Variants in ANKFN1 observed in about 807,000 individuals in gnomAD.
ANKFN1 encodes the protein ankyrin repeat and fibronectin type-III domain-containing protein 1.
In ANKFN1, 74 loss-of-function variants were observed where a neutral mutation model predicts 108.7. The observed-to-expected ratio is 0.68, with a 90% confidence interval of 0.56 to 0.83. The LOEUF is 0.83. ANKFN1 is among the 40% of genes least tolerant of loss of function. ANKFN1 has a pLI of 0.00. For missense variants in ANKFN1, 1,505 were observed against 1,382.3 expected (o/e 1.09, Z -1.41); for synonymous variants, 547 against 516.2 (o/e 1.06, Z -0.81).
chr17:56,301,331 A>G (rs974457712), intron 3 of ANKFN1, among the ~76,000 whole-genome samples: 8 of 152,196 alleles, frequency 5.3e-5, no homozygotes, highest in African/African-American at 1.9e-4. Flanking sequence ...GATTGGGCTG[A>G]ATCTTTCTGG....
At chr17:56,291,678 C>T (rs553519009) in intron 3 of ANKFN1, among the ~76,000 whole-genome samples, 1 of 152,290 alleles carries the variant, frequency 6.6e-6, no homozygotes, top group South Asian at 2.1e-4. Context: ...ATGGCCTAGC[C>T]AACTAGGATG....
At chr17:56,336,663 A>G (rs960293032) in intron 4 of ANKFN1, among the ~76,000 whole-genome samples, 15 of 152,248 alleles carry the variant, frequency 9.9e-5, no homozygotes, top group African/African-American at 3.4e-4. Context: ...TCTTTTCAAA[A>G]AACCAGTTCC....
At chr17:56,062,559 C>CTTTTTTTTTTTTTTTTTTTTTT (rs3085080) in intron 4 of ANKFN1, among the ~76,000 whole-genome samples, 1 of 134,508 alleles carries the variant, frequency 7.4e-6, no homozygotes, top group African/African-American at 3.0e-5. Context: ...GTAATCTCTG[C>CTTTTTTTTTTTTTTTTTTTTTT]TTTTTTTTTT....
chr17:56,170,773 T>TA (rs1372498158), intron 1 of ANKFN1, among the ~76,000 whole-genome samples: 110 of 81,348 alleles, frequency 1.4e-3, no homozygotes, highest in East Asian at 6.1e-3. Flanking sequence ...GAAAAAATTT[T>TA]TTATATATAT....
intron 8 of ANKFN1, among the ~76,000 whole-genome samples, chr17:56,434,378 CA>C (rs58017155): frequency 0.6 from 76,648 of 127,274 alleles, 25,145 homozygotes; most frequent in East Asian, 0.81. Flanking sequence ...TTTCTAGTGT[CA>C]AAAAAAAAAA....
At chr17:56,259,079 C>T (rs1000597099) in intron 3 of ANKFN1, among the ~76,000 whole-genome samples, 1 of 152,088 alleles carries the variant, frequency 6.6e-6, no homozygotes, top group Non-Finnish European at 1.5e-5. Context: ...ATGTAATCTT[C>T]ACAACAGCTC....
chr17:56,220,266 A>G (rs1915738785), intron 2 of ANKFN1, among the ~76,000 whole-genome samples: 1 of 152,246 alleles, frequency 6.6e-6, no homozygotes, highest in Admixed American at 6.5e-5. Flanking sequence ...CAGATAATAA[A>G]ATGATAAAAC....
rs950511052 is a variant in ANKFN1, at chr17:56,091,603, C to A, written c.288+45278C>A. Among the ~76,000 whole-genome samples the A allele has an allele frequency of 2.6e-5, 4 of 151,400 alleles. No individual in the cohort carries two copies. In the East Asian group the frequency reaches 7.7e-4, roughly 29 times the overall value. On this transcript the variant is annotated intron_variant, in intron 4 of 12. Transcript: ENST00000635860. Reference sequence around the variant, plus strand: ...TCCACTTATCAAGAAATGTTTTTCTCTGAAAAGAAGTGAACACTGTGTTCA... The same window carrying A: ...TCCACTTATCAAGAAATGTTTTTCTATGAAAAGAAGTGAACACTGTGTTCA...
rs1236035183 is a variant in ANKFN1 at position 56,364,172 on chromosome 17, CATA to C, written c.602-8470_602-8468del. Among the ~76,000 whole-genome samples the C allele has an allele frequency of 1.8e-4, 28 of 152,100 alleles. No individual in the cohort carries two copies. In the East Asian group the frequency reaches 2.9e-3, roughly 16 times the overall value. On this transcript the variant is annotated intron_variant, in intron 6 of 20. Coordinates refer to ENST00000682825, the MANE Select transcript of ANKFN1 (RefSeq NM_001370326.1). Reference sequence around the variant, plus strand: ...ATTATTCCACATTGTATTCACAAATCATAATATTACTTTGTATCCCATAAATAC... The same window carrying C: ...ATTATTCCACATTGTATTCACAAATCATATTACTTTGTATCCCATAAATAC...
intron 4 of ANKFN1, among the ~76,000 whole-genome samples, chr17:56,061,263 T>A (rs761360876): frequency 3.7e-4 from 42 of 114,498 alleles, no homozygotes; most frequent in Non-Finnish European, 2.8e-4. Flanking sequence ...ATGGTAGTTT[T>A]TCTTTTTTTT....
rs1028662397 is a variant in ANKFN1, at chr17:56,092,323, G to A, written c.288+45998G>A. ...CTTGCTCTGTCACCCAGGCTGGAGTGCAGTGCAGTGGCGCAATCTCGGCTC... is the reference window on the plus strand; with the variant it reads ...CTTGCTCTGTCACCCAGGCTGGAGTACAGTGCAGTGGCGCAATCTCGGCTC... On this transcript the variant is annotated intron_variant, in intron 4 of 12. Transcript: ENST00000635860. Among the ~76,000 whole-genome samples, 6 of 144,420 alleles carry A rather than the reference G, an allele frequency of 4.2e-5. No homozygotes were observed. The East Asian group carries it at 1.2e-3, about 29-fold the overall frequency. 94.7% of individuals were successfully genotyped at this position (144,420 alleles called of 152,430 possible). A position where few individuals can be genotyped will look rare whatever the true frequency, so the allele number is the denominator to read the frequency against.
At chr17:56,348,051 G>C (rs1166532430) in intron 4 of ANKFN1, among the ~76,000 whole-genome samples, 1 of 152,052 alleles carries the variant, frequency 6.6e-6, no homozygotes, top group Non-Finnish European at 1.5e-5. Context: ...CAGAAAGAAA[G>C]AGGTTAAGGC....
At chr17:56,251,109 G>A (rs1380703061) in intron 3 of ANKFN1, among the ~76,000 whole-genome samples, 1 of 152,220 alleles carries the variant, frequency 6.6e-6, no homozygotes, top group East Asian at 1.9e-4. Context: ...TGCTTCTGAA[G>A]GCTGACCACA....
At chr17:56,091,274 A>G (rs1042860795) in intron 4 of ANKFN1, among the ~76,000 whole-genome samples, 2 of 151,344 alleles carry the variant, frequency 1.3e-5, no homozygotes, top group African/African-American at 4.9e-5. Context: ...AAAACTGTAA[A>G]ACACAATGAA....
intron 3 of ANKFN1, among the ~76,000 whole-genome samples, chr17:56,280,140 T>C (rs1014638319): frequency 6.6e-6 from 1 of 151,782 alleles, no homozygotes. Context: ...CTCCCGAGTA[T>C]CTGGGACTAC....
At chr17:56,446,546 TTCACAATGCC>T (rs1369793596) in intron 10 of ANKFN1, among the ~76,000 whole-genome samples, 3 of 152,220 alleles carry the variant, frequency 2.0e-5, no homozygotes, top group Non-Finnish European at 2.9e-5. Context: ...CGTGCTTCTA[TTCACAATGCC>T]TCACCAACAT....
intron 4 of ANKFN1, among the ~76,000 whole-genome samples, chr17:56,059,944 G>GT (rs973799970): frequency 9.4e-5 from 14 of 149,542 alleles, no homozygotes; most frequent in Admixed American, 1.3e-4. Flanking sequence ...AATTTGAAGT[G>GT]TTTTTTTTCT....
intron 14 of ANKFN1, 144 bp from the exon 15 acceptor site, chr17:56,466,212 T>C: frequency 1.5e-6 from 1 of 681,574 alleles, no homozygotes. Flanking sequence ...TGATGCCATA[T>C]ATTCTAGGTT....
At chr17:56,102,188 C>T (rs1019340066) in intron 4 of ANKFN1, among the ~76,000 whole-genome samples, 36 of 152,286 alleles carry the variant, frequency 2.4e-4, no homozygotes, top group African/African-American at 8.2e-4. Flanking sequence ...GACAGTAATG[C>T]ATCGCCCCCT....
Sources: allele counts gnomAD v4.1 joint callset (sites outside exome capture counted in the v4.1 genomes callset), GRCh38; gene constraint gnomAD v4.1.1; transcripts MANE v1.5; gene names NCBI Gene and HGNC (gene_info 2026-07-23, HGNC 2026-07-21).